Variants in TMEM164 observed in about 807,000 individuals in gnomAD.
TMEM164 encodes the protein RP13-360B22.2.
A neutral mutation model predicts 18.8 loss-of-function variants in TMEM164; 4 were observed. That is an observed-to-expected ratio of 0.21 (90% CI 0.10 to 0.49). The LOEUF (loss-of-function observed/expected upper bound fraction) is 0.49. Among genes scored for constraint, TMEM164 ranks in the 20% least tolerant of loss-of-function variants. The pLI is 0.98. For synonymous variants in TMEM164, 86 were observed against 101.7 expected, an observed-to-expected ratio of 0.85 and a Z score of 0.93; for missense variants, 108 against 239.9, an observed-to-expected ratio of 0.45 and a Z score of 3.63.
downstream of TMEM164, among the ~76,000 whole-genome samples, chrX:110,178,666 A>G (rs1012480893): frequency 4.5e-5 from 5 of 112,285 alleles, no homozygotes; most frequent in Non-Finnish European, 7.5e-5. Flanking sequence ...TTAGCAGCCT[A>G]GAAAAGTCAC....
At chrX:110,129,931 T>C (rs2066589112) in intron 4 of TMEM164, among the ~76,000 whole-genome samples, 1 of 112,706 alleles carries the variant, frequency 8.9e-6, no homozygotes, top group African/African-American at 3.2e-5. Flanking sequence ...ATATTTTCAT[T>C]TCCAAACCCT....
chrX:110,082,386 G>C (rs2065772503), intron 3 of TMEM164, among the ~76,000 whole-genome samples: 1 of 111,520 alleles, frequency 9.0e-6, no homozygotes, highest in Non-Finnish European at 1.9e-5. Flanking sequence ...GTATCTCTTT[G>C]AATCTGAGCC....
At chrX:110,116,876 G>GGT (rs34180052) in intron 4 of TMEM164, among the ~76,000 whole-genome samples, 3,861 of 98,824 alleles carry the variant, frequency 0.039, 76 homozygotes, top group Non-Finnish European at 0.043. Context: ...GTGTGTGTGT[G>GGT]GTGTGTGTGT....
intron 4 of TMEM164, among the ~76,000 whole-genome samples, chrX:110,141,506 A>G (rs968358391): frequency 8.9e-6 from 1 of 111,937 alleles, no homozygotes; most frequent in African/African-American, 3.3e-5. Flanking sequence ...AGAGAGAATG[A>G]GAGCCAAGTG....
intron 2 of TMEM164, among the ~76,000 whole-genome samples, chrX:110,006,287 G>C (rs770981417): frequency 1.2e-3 from 137 of 111,197 alleles, no homozygotes; most frequent in Non-Finnish European, 2.2e-3. Flanking sequence ...TTCTCCCTGT[G>C]TCTTCCCAGT....
intron 3 of TMEM164, among the ~76,000 whole-genome samples, chrX:110,068,420 A>T (rs771142670): frequency 1.8e-5 from 2 of 112,214 alleles, no homozygotes; most frequent in South Asian, 7.3e-4. Flanking sequence ...TTCCAAAATG[A>T]GCTCAATTAT....
downstream of TMEM164, among the ~76,000 whole-genome samples, chrX:110,183,784 A>C (rs2067331941): frequency 8.9e-6 from 1 of 112,355 alleles, no homozygotes; most frequent in Admixed American, 9.4e-5. Flanking sequence ...TGGGAAACTC[A>C]TAAGGCTATT....
intron 3 of TMEM164, among the ~76,000 whole-genome samples, chrX:110,071,218 G>C (rs950291801): frequency 4.6e-5 from 5 of 107,871 alleles, no homozygotes; most frequent in Admixed American, 2.0e-4. Context: ...TGCTAGGATG[G>C]TCTTGATCTC....
downstream of TMEM164, among the ~76,000 whole-genome samples, chrX:110,183,754 T>G (rs1330349186): frequency 8.9e-6 from 1 of 112,470 alleles, no homozygotes; most frequent in Non-Finnish European, 1.9e-5. Context: ...TTCTTTGAAC[T>G]TGATTCTTAT....
chrX:110,069,365 CT>C (rs2065548273), intron 3 of TMEM164, among the ~76,000 whole-genome samples: 1 of 111,232 alleles, frequency 9.0e-6, no homozygotes, highest in Non-Finnish European at 1.9e-5. Context: ...GATGCAGTTT[CT>C]TGGCTACTAG....
intron 2 of TMEM164, among the ~76,000 whole-genome samples, chrX:110,045,849 A>G (rs931208203): frequency 8.9e-6 from 1 of 111,744 alleles, no homozygotes; most frequent in Admixed American, 9.5e-5. Context: ...AGATGCCTTG[A>G]GAGACAGAAG....
At chrX:110,030,762 G>C (rs1934455235) in intron 2 of TMEM164, among the ~76,000 whole-genome samples, 1 of 100,056 alleles carries the variant, frequency 1.0e-5, no homozygotes, top group South Asian at 4.8e-4. Flanking sequence ...AGTGAGCTGA[G>C]ATCGCGCCAC....
intron 2 of TMEM164, among the ~76,000 whole-genome samples, chrX:110,009,711 C>T (rs888678779): frequency 2.7e-5 from 3 of 111,671 alleles, no homozygotes; most frequent in Non-Finnish European, 5.6e-5. Context: ...AGAGAATCTT[C>T]CAGCCAGGCA....
Position 110,175,848 on chromosome X carries a change from C to G in TMEM164, c.*2397C>G, listed in dbSNP as rs2067283189. 1.2e-5 allele frequency: 9 copies of G among 754,181 alleles called. No homozygotes were observed. Among genetic ancestry groups the G allele is most frequent in the Non-Finnish European group, 1.4e-5 (9 of 639,722 alleles). 62.2% of individuals were successfully genotyped at this position (754,181 alleles called of 1,213,427 possible). On this transcript the variant is annotated 3_prime_UTR_variant, in exon 7 of 7. Transcript: ENST00000372068. ...GATCTCACTCTTATCTTGGGCCAAG[C>G]CAACGTGGAGAGAAGCAACCCAACC...
intron 3 of TMEM164, among the ~76,000 whole-genome samples, chrX:110,091,597 T>C (rs1420327778): frequency 1.8e-5 from 2 of 112,661 alleles, no homozygotes; most frequent in African/African-American, 6.5e-5. Flanking sequence ...CTTTGTAGAT[T>C]CTGCATATTA....
intron 4 of TMEM164, among the ~76,000 whole-genome samples, chrX:110,126,576 C>G (rs1958683866): frequency 8.9e-6 from 1 of 111,779 alleles, no homozygotes; most frequent in Non-Finnish European, 1.9e-5. Flanking sequence ...ATGCAGAGGG[C>G]TTTAGCGATC....
intron 5 of TMEM164, among the ~76,000 whole-genome samples, chrX:110,153,276 A>C (rs1395344382): frequency 8.9e-6 from 1 of 112,173 alleles, no homozygotes; most frequent in Non-Finnish European, 1.9e-5. Flanking sequence ...TGAGGACAGG[A>C]ATTTTTCATT....
intron 3 of TMEM164, among the ~76,000 whole-genome samples, chrX:110,090,595 G>A (rs1458897372): frequency 8.9e-6 from 1 of 111,809 alleles, no homozygotes; most frequent in Non-Finnish European, 1.9e-5. Flanking sequence ...GATTACAGGC[G>A]TGAGCCACTG....
intron 5 of TMEM164, among the ~76,000 whole-genome samples, chrX:110,168,442 C>A (rs2067186757): frequency 8.9e-6 from 1 of 112,703 alleles, no homozygotes; most frequent in African/African-American, 3.2e-5. Flanking sequence ...CAAGTGGCAA[C>A]AGGAGCGTTG....
Sources: allele counts gnomAD v4.1 joint callset (sites outside exome capture counted in the v4.1 genomes callset), GRCh38; gene constraint gnomAD v4.1.1; transcripts MANE v1.5; gene names NCBI Gene and HGNC (gene_info 2026-07-23, HGNC 2026-07-21).